The following FETUB variants were observed in gnomAD, a reference collection of about 807,000 sequenced individuals.
The protein encoded by FETUB is fetuin B.
In FETUB, 28 loss-of-function variants were observed where a neutral mutation model predicts 30.9. The ratio of observed to expected loss-of-function variants is 0.90; its 90% confidence interval spans 0.67 to 1.24. The LOEUF (loss-of-function observed/expected upper bound fraction) is 1.24, where lower values mean the gene tolerates loss of function less well. FETUB is among the 50% of genes most tolerant of loss of function. The pLI is 0.00. For synonymous variants in FETUB, 186 were observed against 175.9 expected, an observed-to-expected ratio of 1.06 and a Z score of -0.45; for missense variants, 469 against 455.3, an observed-to-expected ratio of 1.03 and a Z score of -0.27.
At chr3:186,640,298 C>T, upstream of FETUB, 1 of 642,334 alleles carries the variant, frequency 1.6e-6, no homozygotes, top group Non-Finnish European at 2.8e-6. Flanking sequence ...AAATGCTATC[C>T]AAAGTACTGA....
At position 186,652,666 on chromosome 3, in the gene FETUB, G is replaced by T; in HGVS notation, c.*35G>T. 6.4e-7 allele frequency: 1 copy of T among 1,554,654 alleles called. No homozygotes were observed. On this transcript the variant is annotated 3_prime_UTR_variant, in exon 7 of 7. Transcript: ENST00000265029. ...AGAGTCTTCTGTAGGGGTATGGTGCGCCGCATGACATGGGAGGCGATGGGG... is the reference window on the plus strand; with the variant it reads ...AGAGTCTTCTGTAGGGGTATGGTGCTCCGCATGACATGGGAGGCGATGGGG...
At chr3:186,636,479 G>A (rs532449066), upstream of FETUB, among the ~76,000 whole-genome samples, 14 of 152,340 alleles carry the variant, frequency 9.2e-5, no homozygotes, top group African/African-American at 3.1e-4. Flanking sequence ...ATAGGGATTT[G>A]TGGAGGAAAT....
At chr3:186,640,725 G>A in intron 1 of FETUB, 40 bp downstream of exon 1, 1 of 1,531,080 alleles carries the variant, frequency 6.5e-7, no homozygotes, top group Non-Finnish European at 9.1e-7. Context: ...AGGGATGTGG[G>A]CAAGCTGGAG....
rs1171236170 is a variant in FETUB, at chr3:186,642,456, A to C, written c.337-15A>C. 6.7e-6 allele frequency: 10 copies of C among 1,488,014 alleles called. No homozygotes were observed. The highest frequency in any genetic ancestry group is 7.5e-6 in the Non-Finnish European group (8 of 1,073,818). The allele number at this position is 1,488,014 out of a possible 1,614,324, so 92.2% of individuals were successfully genotyped here. A position where few individuals can be genotyped will look rare whatever the true frequency, so the allele number is the denominator to read the frequency against. ...TTGCATTCGCTATGTCATAAAATGC[A>C]TTTGTTGGTTTCAGGTTTATGGTCA... On this transcript the variant is annotated splice_polypyrimidine_tract_variant and intron_variant, in intron 2 of 6. Coordinates refer to ENST00000265029, the MANE Select transcript of FETUB (RefSeq NM_014375.3).
chr3:186,644,671 C>G lies in FETUB; in HGVS notation c.425-80C>G, dbSNP rs1393946032. The G allele has an allele frequency of 2.6e-6, 3 of 1,142,334 alleles. No homozygotes were observed. The Admixed American group carries it at 6.8e-5, about 26-fold the overall frequency. The allele number at this position is 1,142,334 out of a possible 1,614,324, so 70.8% of individuals were successfully genotyped here. ...GTATATTCCAGAGGTAACTTCCTCACCCCATCCTTGCCTCTTTACAGTCAT... is the reference window on the plus strand; with the variant it reads ...GTATATTCCAGAGGTAACTTCCTCAGCCCATCCTTGCCTCTTTACAGTCAT... On this transcript the variant is annotated intron_variant, in intron 3 of 6. Transcript: ENST00000265029.
intron 2 of FETUB, chr3:186,641,387 T>C: frequency 2.4e-6 from 1 of 410,354 alleles, no homozygotes; most frequent in South Asian, 3.1e-5. Flanking sequence ...CAAGTTGTGT[T>C]TTTACCTCCA....
intron 5 of FETUB, among the ~76,000 whole-genome samples, chr3:186,649,470 G>T (rs561400556): frequency 3.7e-4 from 55 of 150,066 alleles, no homozygotes; most frequent in African/African-American, 1.3e-3. Context: ...TTTGTTTTTT[G>T]TTTTTTTTTC....
intron 6 of FETUB, among the ~76,000 whole-genome samples, 174 bp from the exon 7 acceptor site, chr3:186,652,089 T>C (rs1718091059): frequency 6.6e-6 from 1 of 152,132 alleles, no homozygotes; most frequent in Non-Finnish European, 1.5e-5. Flanking sequence ...AGGTCCTGGT[T>C]CCCCCTGGCC....
At chr3:186,647,533 A>G (rs1717652163) in intron 5 of FETUB, among the ~76,000 whole-genome samples, 2 of 152,152 alleles carry the variant, frequency 1.3e-5, no homozygotes, top group Admixed American at 6.5e-5. Flanking sequence ...TAGCCATCCT[A>G]CTGGGCATGA....
chr3:186,651,164 T>C lies in FETUB; in HGVS notation c.697-54T>C, dbSNP rs936778862. On this transcript the variant is annotated intron_variant, in intron 5 of 6. Coordinates refer to ENST00000265029, the MANE Select transcript of FETUB (RefSeq NM_014375.3). ...TCTACACAAGTAGAAAGCTAGTTGA[T>C]TTCCATCTGTGATCACTGGTAATAC... 3 of 1,203,316 alleles carry C rather than the reference T, an allele frequency of 2.5e-6. No individual in the cohort carries two copies. The Admixed American group carries it at 5.1e-5, about 21-fold the overall frequency. The allele number at this position is 1,203,316 out of a possible 1,614,324, so 74.5% of individuals were successfully genotyped here. A position where few individuals can be genotyped will look rare whatever the true frequency, so the allele number is the denominator to read the frequency against.
Position 186,644,734 on chromosome 3 carries a change from G to A in FETUB, c.425-17G>A. 6.3e-7 allele frequency: 1 copy of A among 1,580,670 alleles called. No homozygotes were observed. Among genetic ancestry groups the A allele is most frequent in the Non-Finnish European group, 8.6e-7 (1 of 1,166,652 alleles). On this transcript the variant is annotated splice_polypyrimidine_tract_variant and intron_variant, in intron 3 of 6. Transcript: ENST00000265029. ...AAATTAATAGCATTTAAAAACTTAT[G>A]TTATTGGCATCAACAGTTTCAAAAA... is the stretch of plus-strand genomic sequence containing the variant.
At chr3:186,638,683 T>C (rs575628189), upstream of FETUB, among the ~76,000 whole-genome samples, 2 of 152,332 alleles carry the variant, frequency 1.3e-5, no homozygotes, top group South Asian at 2.1e-4. Flanking sequence ...TCCTGCCTTT[T>C]ATTTTAGTTG....
chr3:186,652,946 A>G lies in FETUB; in HGVS notation c.*315A>G. On this transcript the variant is annotated 3_prime_UTR_variant, in exon 7 of 7. Coordinates refer to ENST00000265029, the MANE Select transcript of FETUB (RefSeq NM_014375.3). The stretch of plus-strand genomic sequence containing the variant: ...TTATAAAGATACTTATCTTTTCAGC[A>G]GTATATATGTGCTGAAATCTCAGCA... 8.6e-6 allele frequency: 2 copies of G among 231,968 alleles called. No homozygotes were observed. The highest frequency in any genetic ancestry group is 1.4e-4 in the South Asian group (1 of 7,144). 14.4% of individuals were successfully genotyped at this position (231,968 alleles called of 1,614,324 possible).
At chr3:186,636,382 TC>T (rs1260742774), upstream of FETUB, among the ~76,000 whole-genome samples, 1 of 152,210 alleles carries the variant, frequency 6.6e-6, no homozygotes, top group Admixed American at 6.5e-5. Flanking sequence ...AGCTGTAGCC[TC>T]AGAGAATGTG....
intron 6 of FETUB, 71 bp downstream of exon 6, chr3:186,651,372 T>G: frequency 2.0e-6 from 2 of 1,001,214 alleles, no homozygotes; most frequent in Non-Finnish European, 3.1e-6. Context: ...TGCCACTACC[T>G]TACCCCCTCC....
chr3:186,647,437 C>T (rs1361232712), intron 5 of FETUB, among the ~76,000 whole-genome samples: 1 of 152,140 alleles, frequency 6.6e-6, no homozygotes, highest in Non-Finnish European at 1.5e-5. Flanking sequence ...GTGAATGCAT[C>T]AGTTTTGCAA....
At chr3:186,640,707 T>C (rs775454911) in intron 1 of FETUB, 22 bp downstream of exon 1, 13 of 1,594,592 alleles carry the variant, frequency 8.2e-6, no homozygotes, top group African/African-American at 2.7e-5. Context: ...CAGTTCCCAC[T>C]CTGGGGCAGG....
rs902979028 is a variant in FETUB, at chr3:186,652,363, C to T, written c.881C>T (p.Ser294Phe). 6.2e-6 allele frequency: 10 copies of T among 1,603,458 alleles called. No individual in the cohort carries two copies. Among genetic ancestry groups the T allele is most frequent in the African/African-American group, 1.3e-5 (1 of 74,586 alleles). The change falls in exon 7 of 7, where the codon TCC becomes TTC. Residue 294 changes from serine to phenylalanine, a missense_variant. Coordinates refer to ENST00000265029, the MANE Select transcript of FETUB (RefSeq NM_014375.3). ...SQQKNTPPTD[S>F]PSKAGPRGSV... Reference sequence around the variant, plus strand: ...CAGAAAAACACCCCCCCAACAGACTCCCCCTCCAAAGCTGGGCCAAGAGGA... The same window carrying T: ...CAGAAAAACACCCCCCCAACAGACTTCCCCTCCAAAGCTGGGCCAAGAGGA...
chr3:186,651,659 C>A (rs113263106), intron 6 of FETUB, among the ~76,000 whole-genome samples: 2 of 152,116 alleles, frequency 1.3e-5, no homozygotes, highest in Non-Finnish European at 1.5e-5. Context: ...GTGTTTATTG[C>A]GCACTTATTA....
Sources: allele counts gnomAD v4.1 joint callset (sites outside exome capture counted in the v4.1 genomes callset), GRCh38; gene constraint gnomAD v4.1.1; transcripts MANE v1.5; gene names NCBI Gene and HGNC (gene_info 2026-07-23, HGNC 2026-07-21).